The following PDSS2 variants were observed in gnomAD, a reference collection of about 807,000 sequenced individuals.
PDSS2 encodes decaprenyl diphosphate synthase subunit 2.
PDSS2 carries 31 observed loss-of-function variants against 44.5 expected under a neutral mutation model. That is an observed-to-expected ratio of 0.70 (90% CI 0.52 to 0.94). The LOEUF is 0.94. PDSS2 is among the 40% of genes least tolerant of loss of function. The probability of loss-of-function intolerance (pLI) is 0.00; values close to 1 mark genes in which losing one functional copy is unlikely to be tolerated. For synonymous variants in PDSS2, 157 were observed against 180.3 expected, an observed-to-expected ratio of 0.87 and a Z score of 1.03; for missense variants, 452 against 482.2, an observed-to-expected ratio of 0.94 and a Z score of 0.59.
At chr6:107,433,079 T>C (rs1053084114) in intron 1 of PDSS2, among the ~76,000 whole-genome samples, 3 of 152,032 alleles carry the variant, frequency 2.0e-5, no homozygotes, top group Admixed American at 1.3e-4. Context: ...GGAAAAAAAT[T>C]TTTTTTTAAC....
intron 1 of PDSS2, among the ~76,000 whole-genome samples, chr6:107,343,521 G>A (rs754579568): frequency 1.2e-4 from 19 of 152,148 alleles, no homozygotes; most frequent in Admixed American, 3.3e-4. Flanking sequence ...AACAGGAATA[G>A]AATCATCACT....
intron 6 of PDSS2, among the ~76,000 whole-genome samples, chr6:107,194,427 C>G (rs1184444058): frequency 6.6e-6 from 1 of 152,170 alleles, no homozygotes; most frequent in East Asian, 1.9e-4. Context: ...TTCATAAAAA[C>G]CATTGACTTT....
intron 1 of PDSS2, among the ~76,000 whole-genome samples, chr6:107,354,289 A>C (rs1374680137): frequency 6.6e-6 from 1 of 152,234 alleles, no homozygotes; most frequent in African/African-American, 2.4e-5. Context: ...TGAAATAATA[A>C]AAGTGAAACC....
intron 2 of PDSS2, among the ~76,000 whole-genome samples, chr6:107,333,368 TAA>T (rs1777771921): frequency 6.6e-6 from 1 of 152,190 alleles, no homozygotes; most frequent in Admixed American, 6.5e-5. Flanking sequence ...CTGAAAATTT[TAA>T]GTTTATTTTA....
chr6:107,291,975 G>A (rs1011658003), intron 2 of PDSS2, among the ~76,000 whole-genome samples: 1 of 152,124 alleles, frequency 6.6e-6, no homozygotes, highest in Non-Finnish European at 1.5e-5. Flanking sequence ...TTCCAGCTCT[G>A]AGCACACACA....
chr6:107,204,821 C>G (rs773123066), intron 6 of PDSS2, among the ~76,000 whole-genome samples: 2 of 152,158 alleles, frequency 1.3e-5, no homozygotes, highest in Non-Finnish European at 1.5e-5. Flanking sequence ...CATAGACAAC[C>G]TTTAGGCAAC....
chr6:107,458,901 C>T, intron 1 of PDSS2, 89 bp downstream of exon 1: 3 of 1,131,460 alleles, frequency 2.7e-6, no homozygotes, highest in Non-Finnish European at 4.0e-6. Flanking sequence ...AATCAGGAGC[C>T]AGTCTGAGAG....
At chr6:107,436,319 TGAGAA>T (rs951008209) in intron 1 of PDSS2, among the ~76,000 whole-genome samples, 1 of 152,096 alleles carries the variant, frequency 6.6e-6, no homozygotes, top group Non-Finnish European at 1.5e-5. Flanking sequence ...ATGAGCAACA[TGAGAA>T]GAGAAATTAT....
At chr6:107,184,418 A>T (rs1772094134) in intron 7 of PDSS2, among the ~76,000 whole-genome samples, 1 of 152,236 alleles carries the variant, frequency 6.6e-6, no homozygotes, top group Non-Finnish European at 1.5e-5. Context: ...TGAAGCATCT[A>T]TGTGTAATAA....
At chr6:107,282,603 T>C (rs1371978363) in intron 2 of PDSS2, among the ~76,000 whole-genome samples, 1 of 151,630 alleles carries the variant, frequency 6.6e-6, no homozygotes, top group Non-Finnish European at 1.5e-5. Flanking sequence ...CCGTGGTTCA[T>C]GCCTGTAATC....
At chr6:107,271,971 G>A (rs1030334940) in intron 3 of PDSS2, among the ~76,000 whole-genome samples, 8 of 151,936 alleles carry the variant, frequency 5.3e-5, no homozygotes, top group Admixed American at 5.2e-4. Context: ...CACTGAGGTA[G>A]GAGGATTGCT....
intron 7 of PDSS2, among the ~76,000 whole-genome samples, chr6:107,162,429 G>T (rs1161511985): frequency 1.4e-5 from 2 of 142,226 alleles, no homozygotes; most frequent in African/African-American, 5.2e-5. Flanking sequence ...AGAGGTGGAG[G>T]TTGCAGTAAG....
At chr6:107,190,723 C>T (rs1772343888) in intron 7 of PDSS2, among the ~76,000 whole-genome samples, 1 of 152,110 alleles carries the variant, frequency 6.6e-6, no homozygotes, top group Non-Finnish European at 1.5e-5. Context: ...GCAGAGGGGA[C>T]AGCATGAGTG....
At chr6:107,406,410 T>C (rs762572134) in intron 1 of PDSS2, among the ~76,000 whole-genome samples, 27 of 152,228 alleles carry the variant, frequency 1.8e-4, no homozygotes, top group African/African-American at 6.5e-4. Flanking sequence ...CTGTTTCCAA[T>C]AGCTTTGTAG....
chr6:107,303,824 A>G (rs1776774623), intron 2 of PDSS2, among the ~76,000 whole-genome samples: 1 of 152,226 alleles, frequency 6.6e-6, no homozygotes, highest in Admixed American at 6.5e-5. Context: ...TCTGTAGGAC[A>G]TATCTGTACA....
At chr6:107,243,272 A>C (rs1309732927) in intron 4 of PDSS2, among the ~76,000 whole-genome samples, 1 of 152,218 alleles carries the variant, frequency 6.6e-6, no homozygotes, top group African/African-American at 2.4e-5. Flanking sequence ...TTTCCTCTAT[A>C]AATGGGAATA....
At chr6:107,193,078 G>A (rs1306248872) in intron 7 of PDSS2, among the ~76,000 whole-genome samples, 3 of 152,232 alleles carry the variant, frequency 2.0e-5, no homozygotes, top group African/African-American at 7.2e-5. Flanking sequence ...CCATACACCT[G>A]CTAAATGTTC....
In PDSS2 at chr6:107,162,320, C is replaced by A. The variant is rs181288990; in HGVS notation, c.1042-7543G>T. Among the ~76,000 whole-genome samples the A allele has an allele frequency of 2.0e-3, 302 of 151,898 alleles. 1 individual carries two copies. Among genetic ancestry groups the A allele is most frequent in the African/African-American group, 7.0e-3 (290 of 41,462 alleles). ...GACCAGCCTGGCCAACATGGTGTAA[C>A]CCCATCTCTACTAAAAACAAAAATT... is the stretch of plus-strand genomic sequence containing the variant. On this transcript the variant is annotated intron_variant, in intron 7 of 7. Coordinates refer to ENST00000369037, the MANE Select transcript of PDSS2 (RefSeq NM_020381.4).
intron 2 of PDSS2, among the ~76,000 whole-genome samples, chr6:107,297,855 T>A (rs997573048): frequency 6.6e-6 from 1 of 152,054 alleles, no homozygotes; most frequent in Non-Finnish European, 1.5e-5. Flanking sequence ...TAGCAACTCT[T>A]GTACCTCGGA....
Sources: gnomAD v4.1 joint callset for allele counts (sites outside exome capture counted in the v4.1 genomes callset) on GRCh38, gnomAD v4.1.1 for gene constraint, MANE v1.5 for transcripts, NCBI Gene and HGNC (gene_info 2026-07-23, HGNC 2026-07-21) for gene names.